The following CARF variants were observed in gnomAD, a reference collection of about 807,000 sequenced individuals.
CARF encodes the protein calcium responsive transcription factor, also known as calcium-responsive transcription factor.
In CARF, 57 loss-of-function variants were observed where a neutral mutation model predicts 82.0. The observed-to-expected ratio is 0.70, with a 90% CI of 0.56 to 0.87. The LOEUF (loss-of-function observed/expected upper bound fraction) is 0.87. CARF is among the 40% of genes least tolerant of loss of function. The pLI, the probability that CARF is intolerant of heterozygous loss-of-function variation, is 0.00. For missense variants in CARF, 771 were observed against 855.8 expected, an observed-to-expected ratio of 0.90 and a Z score of 1.24; for synonymous variants, 268 against 290.1, an observed-to-expected ratio of 0.92 and a Z score of 0.77.
At chr2:202,917,416 C>G (rs1177395404) in intron 1 of CARF, among the ~76,000 whole-genome samples, 1 of 151,874 alleles carries the variant, frequency 6.6e-6, no homozygotes, top group African/African-American at 2.4e-5. Context: ...TTAATATTTT[C>G]TTTTTTCTTT....
At chr2:202,982,803 G>A (rs2060320584) in intron 16 of CARF, among the ~76,000 whole-genome samples, 1 of 152,152 alleles carries the variant, frequency 6.6e-6, no homozygotes, top group Admixed American at 6.5e-5. Flanking sequence ...AGGTTATTAT[G>A]GAAGAATTGA....
At chr2:202,921,135 G>C (rs1437291781) in intron 2 of CARF, among the ~76,000 whole-genome samples, 1 of 152,112 alleles carries the variant, frequency 6.6e-6, no homozygotes, top group East Asian at 1.9e-4. Context: ...CCAGGTAGCT[G>C]GGACTACAAG....
At chr2:202,969,877 TTATAA>T in intron 10 of CARF, 37 bp from the exon 11 acceptor site, 1 of 1,258,952 alleles carries the variant, frequency 7.9e-7, no homozygotes, top group Non-Finnish European at 1.1e-6. Flanking sequence ...TATCTTGAGA[TTATAA>T]TATAATGAAA....
intron 9 of CARF, chr2:202,962,994 T>C (rs2059385770): frequency 6.6e-6 from 1 of 152,260 alleles, no homozygotes; most frequent in African/African-American, 2.4e-5. Flanking sequence ...TTGTGAATTA[T>C]GCCCATTTCA....
At chr2:202,950,625 A>T (rs993742815) in intron 5 of CARF, among the ~76,000 whole-genome samples, 2 of 152,164 alleles carry the variant, frequency 1.3e-5, no homozygotes, top group African/African-American at 4.8e-5. Context: ...AAGGAGTCAG[A>T]TTGCTTGAGT....
intron 10 of CARF, among the ~76,000 whole-genome samples, chr2:202,967,659 A>G (rs1176318415): frequency 6.6e-6 from 1 of 152,210 alleles, no homozygotes; most frequent in Non-Finnish European, 1.5e-5. Flanking sequence ...GGTATTCCTT[A>G]TTAGTATTAT....
intron 13 of CARF, among the ~76,000 whole-genome samples, chr2:202,976,453 C>T (rs1047361251): frequency 6.6e-6 from 1 of 152,020 alleles, no homozygotes; most frequent in East Asian, 1.9e-4. Context: ...GGATTACAGG[C>T]GTGAGCCACC....
chr2:202,959,193 A>G (rs1460967046), intron 8 of CARF, among the ~76,000 whole-genome samples: 1 of 150,888 alleles, frequency 6.6e-6, no homozygotes, highest in East Asian at 1.9e-4. Flanking sequence ...AAATTATAGT[A>G]TAGCTAAAAT....
At chr2:202,956,713 G>A (rs531049292) in intron 8 of CARF, among the ~76,000 whole-genome samples, 4 of 152,154 alleles carry the variant, frequency 2.6e-5, no homozygotes, top group Non-Finnish European at 5.9e-5. Context: ...GACAAATACC[G>A]TTTCCTTAGA....
rs534304684 is a variant in CARF at position 202,960,353 on chromosome 2, G to A, written c.643-884G>A. On this transcript the variant is annotated intron_variant, in intron 8 of 16. Coordinates refer to ENST00000438828, the MANE Select transcript of CARF (RefSeq NM_024744.17). ...CAACCTCCGTCTCCCAGGTTCAAGG[G>A]ATTCTTGTGCCTCAACCTCCCAGGT... Among the ~76,000 whole-genome samples, 4 of 152,072 alleles carry A rather than the reference G, an allele frequency of 2.6e-5. No individual in the cohort carries two copies. In the East Asian group the frequency reaches 7.8e-4, roughly 30 times the overall value.
At chr2:202,924,962 A>G (rs1426685550) in intron 3 of CARF, 2 of 333,128 alleles carry the variant, frequency 6.0e-6, no homozygotes, top group Admixed American at 3.3e-5. Context: ...TTCACTGAGA[A>G]GGTACCCTTC....
Position 202,986,367 on chromosome 2 carries a change from T to C in CARF, c.*2743T>C, listed in dbSNP as rs1236158148. 1 of 152,158 alleles carries C rather than the reference T, an allele frequency of 6.6e-6. No homozygotes were observed. Among genetic ancestry groups the C allele is most frequent in the African/African-American group, 2.4e-5 (1 of 41,470 alleles). The allele number at this position is 152,158 out of a possible 1,614,324, so 9.4% of individuals were successfully genotyped here. On this transcript the variant is annotated 3_prime_UTR_variant, in exon 17 of 17. Transcript: ENST00000438828. ...ATTTTCAGTATCTATATTGGCTTTC[T>C]CTAACAGCTCTACAGCAAAGTTTGA... is the stretch of plus-strand genomic sequence containing the variant.
chr2:202,973,531 C>T (rs990189213), intron 12 of CARF: 26 of 404,530 alleles, frequency 6.4e-5, no homozygotes, highest in Middle Eastern at 3.5e-4. Flanking sequence ...AGCAATGTAA[C>T]ATGATGTTTA....
At chr2:202,953,308 G>A (rs373656624) in intron 6 of CARF, among the ~76,000 whole-genome samples, 10 of 151,656 alleles carry the variant, frequency 6.6e-5, no homozygotes, top group African/African-American at 2.4e-4. Flanking sequence ...GAGCCACTTC[G>A]CCCAGCCATT....
At chr2:202,915,058 C>T (rs759292747) in intron 1 of CARF, among the ~76,000 whole-genome samples, 3 of 151,740 alleles carry the variant, frequency 2.0e-5, no homozygotes, top group Admixed American at 6.6e-5. Context: ...CCCTCTGTCG[C>T]GAGGCTGGAG....
rs1402638703 is a variant in CARF, at chr2:202,924,393, GT to G, written c.-64del. 2 of 152,116 alleles carry G rather than the reference GT, an allele frequency of 1.3e-5. No homozygotes were observed. The highest frequency in any genetic ancestry group is 4.8e-5 in the African/African-American group (2 of 41,440). The allele number at this position is 152,116 out of a possible 1,614,324, so 9.4% of individuals were successfully genotyped here. On this transcript the variant is annotated 5_prime_UTR_variant, in exon 3 of 17. Coordinates refer to ENST00000438828, the MANE Select transcript of CARF (RefSeq NM_024744.17). ...TTTGATAGTCTGTGATCCATTTCAA[GT>G]TGATTTGCTATCTGGTGTGAGGTAA...
intron 6 of CARF, among the ~76,000 whole-genome samples, chr2:202,953,057 C>T (rs767428222): frequency 3.4e-4 from 51 of 152,024 alleles, no homozygotes; most frequent in Non-Finnish European, 6.2e-4. Context: ...CGCTCTATCC[C>T]CCAGGCTGGA....
In CARF at chr2:202,967,090, T is replaced by C; in HGVS notation, c.945T>C (p.Cys315=). The C allele has an allele frequency of 6.2e-7, 1 of 1,613,558 alleles. No homozygotes were observed. Among genetic ancestry groups the C allele is most frequent in the South Asian group, 1.1e-5 (1 of 90,964 alleles). The change falls in exon 10 of 17, where the codon TGT becomes TGC. Residue 315 remains cysteine (C), a synonymous_variant. Transcript: ENST00000438828. ...SRSCQLYKAT[C]PARIYIKKVQ... is the part of the protein sequence containing the mutation. ...CTTGTCAGCTCTACAAAGCCACTTG[T>C]CCAGCTCGGTAAGCTTTATTTTCTT...
At chr2:202,927,470 T>C (rs1296920327) in intron 3 of CARF, among the ~76,000 whole-genome samples, 1 of 152,208 alleles carries the variant, frequency 6.6e-6, no homozygotes, top group Non-Finnish European at 1.5e-5. Flanking sequence ...TATACTTTTT[T>C]TGTGGTGAGA....
Sources: allele counts gnomAD v4.1 joint callset (sites outside exome capture counted in the v4.1 genomes callset), GRCh38; gene constraint gnomAD v4.1.1; transcripts MANE v1.5; gene names NCBI Gene and HGNC (gene_info 2026-07-23, HGNC 2026-07-21).